HCN1: variants seen among roughly 807,000 people sequenced by gnomAD.
HCN1 encodes potassium/sodium hyperpolarization-activated cyclic nucleotide-gated channel 1.
Under a neutral mutation model 78.9 loss-of-function variants are expected in HCN1, and 13 were observed. That is an observed-to-expected ratio of 0.16 (90% CI 0.11 to 0.26). The LOEUF is 0.26. Ranked by LOEUF, HCN1 falls within the 10% of genes least tolerant of loss-of-function variation. HCN1 has a pLI of 1.00. For synonymous variants in HCN1, 552 were observed against 455.5 expected, an observed-to-expected ratio of 1.21 and a Z score of -2.70; for missense variants, 810 against 1,154.3, an observed-to-expected ratio of 0.70 and a Z score of 4.32.
At chr5:45,679,820 G>T (rs1472081968) in intron 1 of HCN1, among the ~76,000 whole-genome samples, 1 of 152,018 alleles carries the variant, frequency 6.6e-6, no homozygotes, top group African/African-American at 2.4e-5. Context: ...TTTCGTAAAT[G>T]TCTATAGCAA....
At chr5:45,628,770 G>A (rs999518391) in intron 2 of HCN1, among the ~76,000 whole-genome samples, 36 of 151,918 alleles carry the variant, frequency 2.4e-4, no homozygotes, top group Non-Finnish European at 4.9e-4. Context: ...TCAGGAGTTC[G>A]AGACCAGCCT....
At chr5:45,393,265 G>T (rs1312600252) in intron 4 of HCN1, among the ~76,000 whole-genome samples, 1 of 152,136 alleles carries the variant, frequency 6.6e-6, no homozygotes, top group African/African-American at 2.4e-5. Flanking sequence ...CAAAATTCTT[G>T]CTCATTGCAG....
intron 6 of HCN1, 76 bp downstream of exon 6, chr5:45,303,523 T>G: frequency 6.7e-7 from 1 of 1,496,076 alleles, no homozygotes; most frequent in South Asian, 1.1e-5. Context: ...ACTGACATGC[T>G]GACATCTCCA....
At chr5:45,641,136 T>C (rs947406915) in intron 2 of HCN1, among the ~76,000 whole-genome samples, 2 of 152,186 alleles carry the variant, frequency 1.3e-5, no homozygotes, top group Non-Finnish European at 2.9e-5. Context: ...TGTTTGCTTA[T>C]GGCAAGTCTT....
intron 2 of HCN1, among the ~76,000 whole-genome samples, chr5:45,585,939 G>T (rs986270028): frequency 2.0e-5 from 3 of 152,150 alleles, no homozygotes; most frequent in Non-Finnish European, 4.4e-5. Flanking sequence ...GCCCCTACTG[G>T]TGGGTGCCTC....
At chr5:45,534,221 C>T (rs774745650) in intron 2 of HCN1, among the ~76,000 whole-genome samples, 1 of 150,734 alleles carries the variant, frequency 6.6e-6, no homozygotes, top group African/African-American at 2.4e-5. Flanking sequence ...CACAGTGAAA[C>T]ACCCGTCTCT....
chr5:45,593,324 T>C lies in HCN1; in HGVS notation c.849+51861A>G, dbSNP rs140916504. Among the ~76,000 whole-genome samples, 553 of 118,984 alleles carry C rather than the reference T, an allele frequency of 4.6e-3. 4 individuals are homozygous for C. Among genetic ancestry groups the C allele is most frequent in the African/African-American group, 0.016 (470 of 28,860 alleles). 78.1% of individuals were successfully genotyped at this position (118,984 alleles called of 152,430 possible). On this transcript the variant is annotated intron_variant, in intron 2 of 7. Transcript: ENST00000303230. ...CTCTCTCTCTCTCTCTCTCTCTCCC[T>C]CTCTCTCTCTCTCTCTCACACACAC... is the stretch of plus-strand genomic sequence containing the variant.
At chr5:45,315,030 C>T (rs1197020087) in intron 5 of HCN1, among the ~76,000 whole-genome samples, 1 of 152,064 alleles carries the variant, frequency 6.6e-6, no homozygotes, top group Admixed American at 6.6e-5. Context: ...ACCATGATAT[C>T]CAGGAATTGA....
chr5:45,495,631 C>T (rs62369085), intron 2 of HCN1, among the ~76,000 whole-genome samples: 1 of 152,154 alleles, frequency 6.6e-6, no homozygotes, highest in Non-Finnish European at 1.5e-5. Context: ...GAACTTCCAA[C>T]ACTATGTTGA....
intron 2 of HCN1, among the ~76,000 whole-genome samples, chr5:45,634,637 G>A (rs903503769): frequency 6.6e-6 from 1 of 151,794 alleles, no homozygotes; most frequent in Non-Finnish European, 1.5e-5. Context: ...GGCACTCCTT[G>A]GTAATCACTG....
At chr5:45,491,136 A>C (rs1305646337) in intron 2 of HCN1, among the ~76,000 whole-genome samples, 2 of 152,094 alleles carry the variant, frequency 1.3e-5, no homozygotes, top group East Asian at 3.9e-4. Context: ...AGCGAATCAC[A>C]CTCGGAATCT....
intron 3 of HCN1, among the ~76,000 whole-genome samples, chr5:45,443,819 G>T (rs1222504293): frequency 6.6e-6 from 1 of 151,848 alleles, no homozygotes; most frequent in Non-Finnish European, 1.5e-5. Context: ...CAATTTTAAA[G>T]ATTTTTCTTA....
In HCN1 at chr5:45,616,346, G is replaced by T. The variant is rs528584804; in HGVS notation, c.849+28839C>A. Among the ~76,000 whole-genome samples, 3 of 152,020 alleles carry T rather than the reference G, an allele frequency of 2.0e-5. No homozygotes were observed. In the East Asian group the frequency reaches 5.8e-4, roughly 29 times the overall value. ...ATGCTCAATTTGAAGTTTGAGAAAAGTTAAGGGTATTTTAAGGGCTGAGAG... is the reference window on the plus strand; with the variant it reads ...ATGCTCAATTTGAAGTTTGAGAAAATTTAAGGGTATTTTAAGGGCTGAGAG... On this transcript the variant is annotated intron_variant, in intron 2 of 7. Transcript: ENST00000303230.
At position 45,261,637 on chromosome 5, in the gene HCN1, A is replaced by T; in HGVS notation, c.*284T>A. ...GGACTTAAGTAAAAGTAGGTTAGAA[A>T]TAAATAATCTTACAACGACATTTTA... On this transcript the variant is annotated 3_prime_UTR_variant, in exon 8 of 8. Transcript: ENST00000303230. 2 of 238,432 alleles carry T rather than the reference A, an allele frequency of 8.4e-6. No individual in the cohort carries two copies. Among genetic ancestry groups the T allele is most frequent in the Non-Finnish European group, 1.6e-5 (2 of 121,554 alleles). 14.8% of individuals were successfully genotyped at this position (238,432 alleles called of 1,614,324 possible).
At chr5:45,385,452 T>C (rs984423227) in intron 4 of HCN1, among the ~76,000 whole-genome samples, 6 of 152,110 alleles carry the variant, frequency 3.9e-5, no homozygotes, top group Non-Finnish European at 7.4e-5. Flanking sequence ...TTGAAAGCTA[T>C]AATATTACTG....
At chr5:45,522,602 C>CTTTTTTTTTTTT (rs79339415) in intron 2 of HCN1, among the ~76,000 whole-genome samples, 1 of 141,350 alleles carries the variant, frequency 7.1e-6, no homozygotes, top group Non-Finnish European at 1.6e-5. Context: ...AGTCTCTTTT[C>CTTTTTTTTTTTT]TTTTTTTTTT....
At chr5:45,311,135 G>A (rs1022536385) in intron 5 of HCN1, among the ~76,000 whole-genome samples, 29 of 152,080 alleles carry the variant, frequency 1.9e-4, no homozygotes, top group African/African-American at 3.9e-4. Context: ...TTTAACAAAC[G>A]TGCACATCCT....
chr5:45,323,713 C>G (rs1166183740), intron 5 of HCN1, among the ~76,000 whole-genome samples: 1 of 152,048 alleles, frequency 6.6e-6, no homozygotes, highest in East Asian at 1.9e-4. Context: ...TATCCCTCCC[C>G]CATCCCCCAA....
intron 1 of HCN1, among the ~76,000 whole-genome samples, chr5:45,668,945 G>T (rs1239108402): frequency 6.6e-6 from 1 of 151,806 alleles, no homozygotes; most frequent in African/African-American, 2.4e-5. Flanking sequence ...AACCACTTAA[G>T]AACAGTACTA....
Sources: allele counts gnomAD v4.1 joint callset (sites outside exome capture counted in the v4.1 genomes callset), GRCh38; gene constraint gnomAD v4.1.1; transcripts MANE v1.5; gene names NCBI Gene and HGNC (gene_info 2026-07-23, HGNC 2026-07-21).